CNTNAP2: variants seen among roughly 807,000 people sequenced by gnomAD.
CNTNAP2 encodes the protein contactin associated protein 2.
In CNTNAP2, 98 loss-of-function variants were observed where a neutral mutation model predicts 155.2. The observed-to-expected ratio is 0.63, with a 90% CI of 0.54 to 0.75. The LOEUF (loss-of-function observed/expected upper bound fraction) is 0.75, where lower values mean the gene tolerates loss of function less well. Among genes scored for constraint, CNTNAP2 ranks in the 30% least tolerant of loss-of-function variants. The pLI is 0.00. For synonymous variants in CNTNAP2, 651 were observed against 631.2 expected, an observed-to-expected ratio of 1.03 and a Z score of -0.47; for missense variants, 1,727 against 1,688.1, an observed-to-expected ratio of 1.02 and a Z score of -0.40.
At chr7:147,022,520 C>A (rs1162874036) in intron 3 of CNTNAP2, among the ~76,000 whole-genome samples, 1 of 151,550 alleles carries the variant, frequency 6.6e-6, no homozygotes, top group Non-Finnish European at 1.5e-5. Context: ...ACTCTATATA[C>A]ACATATATTG....
chr7:146,254,842 G>A (rs113805448), intron 1 of CNTNAP2, among the ~76,000 whole-genome samples: 1,732 of 151,992 alleles, frequency 0.011, 12 homozygotes, highest in Non-Finnish European at 0.017. Context: ...AATCACTGAA[G>A]GTAGGAAACA....
At chr7:146,388,102 T>A (rs1022616692) in intron 1 of CNTNAP2, among the ~76,000 whole-genome samples, 7 of 151,626 alleles carry the variant, frequency 4.6e-5, no homozygotes, top group African/African-American at 7.3e-5. Flanking sequence ...ATTTTTTTTT[T>A]AATTTTTAAC....
rs908400557 is a variant in CNTNAP2 at position 146,477,635 on chromosome 7, A to G, written c.98-296636A>G. Among the ~76,000 whole-genome samples, 31 of 121,604 alleles carry G rather than the reference A, an allele frequency of 2.5e-4. No homozygotes were observed. In the South Asian group the frequency reaches 7.6e-3, roughly 30 times the overall value. 79.8% of individuals were successfully genotyped at this position (121,604 alleles called of 152,430 possible). Reference sequence around the variant, plus strand: ...ATTCTTCTTCAGCAAACACACACACACACACACACACACACACACACACAC... The same window carrying G: ...ATTCTTCTTCAGCAAACACACACACGCACACACACACACACACACACACAC... On this transcript the variant is annotated intron_variant, in intron 1 of 23. Coordinates refer to ENST00000361727, the MANE Select transcript of CNTNAP2 (RefSeq NM_014141.6).
At chr7:147,165,546 A>C (rs1802099153) in intron 8 of CNTNAP2, among the ~76,000 whole-genome samples, 2 of 152,166 alleles carry the variant, frequency 1.3e-5, no homozygotes, top group Non-Finnish European at 2.9e-5. Flanking sequence ...GTTCTTGGCC[A>C]TGAAATCTGT....
chr7:146,474,812 A>G (rs1796850543), intron 1 of CNTNAP2, among the ~76,000 whole-genome samples: 1 of 152,220 alleles, frequency 6.6e-6, no homozygotes, highest in Non-Finnish European at 1.5e-5. Flanking sequence ...TGGCATTTAT[A>G]TCCAGGTAGA....
chr7:147,814,852 T>G (rs538990845), intron 13 of CNTNAP2, among the ~76,000 whole-genome samples: 13 of 152,168 alleles, frequency 8.5e-5, no homozygotes, highest in Non-Finnish European at 1.6e-4. Flanking sequence ...AATCATCCTA[T>G]AAACAATTAT....
chr7:147,065,937 A>C (rs1164832432), intron 4 of CNTNAP2, among the ~76,000 whole-genome samples: 4 of 152,186 alleles, frequency 2.6e-5, no homozygotes, highest in African/African-American at 9.6e-5. Flanking sequence ...TTTCTCATGA[A>C]GTTGACTCAT....
chr7:147,629,900 G>A (rs1267294615), intron 12 of CNTNAP2, among the ~76,000 whole-genome samples: 4 of 151,658 alleles, frequency 2.6e-5, no homozygotes, highest in Admixed American at 2.0e-4. Context: ...AAAAATCTAA[G>A]ATTATACCTC....
At chr7:146,825,672 A>G (rs954963088) in intron 2 of CNTNAP2, among the ~76,000 whole-genome samples, 2 of 152,158 alleles carry the variant, frequency 1.3e-5, no homozygotes, top group Non-Finnish European at 2.9e-5. Context: ...TGGAGATACA[A>G]AGCAATTTTC....
intron 1 of CNTNAP2, among the ~76,000 whole-genome samples, chr7:146,709,164 C>G (rs557458931): frequency 6.6e-6 from 1 of 152,018 alleles, no homozygotes; most frequent in African/African-American, 2.4e-5. Flanking sequence ...ATTATAGAAA[C>G]AGTGTTAAGG....
chr7:147,734,904 T>C (rs1796813708), intron 13 of CNTNAP2, among the ~76,000 whole-genome samples: 1 of 152,184 alleles, frequency 6.6e-6, no homozygotes, highest in Non-Finnish European at 1.5e-5. Context: ...GATTCTTCTC[T>C]CTTTTCTTCT....
chr7:146,895,101 A>G (rs954473098), intron 3 of CNTNAP2, among the ~76,000 whole-genome samples: 2 of 152,140 alleles, frequency 1.3e-5, no homozygotes, highest in African/African-American at 2.4e-5. Context: ...AGAAAAAATT[A>G]TTCTAAACCT....
intron 1 of CNTNAP2, among the ~76,000 whole-genome samples, chr7:146,438,792 T>A (rs1296879876): frequency 6.6e-6 from 1 of 151,554 alleles, no homozygotes; most frequent in South Asian, 2.1e-4. Flanking sequence ...TGAGCTTTGG[T>A]TGATATCTCA....
intron 1 of CNTNAP2, among the ~76,000 whole-genome samples, chr7:146,715,122 C>T (rs1033379386): frequency 1.3e-5 from 2 of 151,962 alleles, no homozygotes; most frequent in Non-Finnish European, 2.9e-5. Context: ...CCTGAGGTCA[C>T]GAGTTCGAGA....
chr7:146,915,560 T>G (rs1052938255), intron 3 of CNTNAP2, among the ~76,000 whole-genome samples: 2 of 152,046 alleles, frequency 1.3e-5, no homozygotes, highest in African/African-American at 2.4e-5. Context: ...AGTTTTTTTG[T>G]TCGTTTGTTT....
At chr7:146,301,274 A>G (rs1338835219) in intron 1 of CNTNAP2, among the ~76,000 whole-genome samples, 1 of 152,186 alleles carries the variant, frequency 6.6e-6, no homozygotes, top group African/African-American at 2.4e-5. Flanking sequence ...AGAAGAAAAG[A>G]AGACTATTCC....
At chr7:146,879,033 C>G (rs1795485317) in intron 3 of CNTNAP2, among the ~76,000 whole-genome samples, 1 of 152,142 alleles carries the variant, frequency 6.6e-6, no homozygotes, top group Non-Finnish European at 1.5e-5. Flanking sequence ...CATTTTCAAA[C>G]CAAGAAACAC....
chr7:146,303,174 T>A (rs1800644721), intron 1 of CNTNAP2, among the ~76,000 whole-genome samples: 1 of 149,812 alleles, frequency 6.7e-6, no homozygotes, highest in Admixed American at 6.7e-5. Context: ...ATTGAGAAAA[T>A]CAAAAGTGAT....
intron 22 of CNTNAP2, among the ~76,000 whole-genome samples, chr7:148,396,606 A>G (rs960719767): frequency 6.6e-6 from 1 of 152,212 alleles, no homozygotes; most frequent in African/African-American, 2.4e-5. Context: ...TTGCAGAAGC[A>G]TTATCCTGAT....
Sources: gnomAD v4.1 joint callset for allele counts (sites outside exome capture counted in the v4.1 genomes callset) on GRCh38, gnomAD v4.1.1 for gene constraint, MANE v1.5 for transcripts, NCBI Gene and HGNC (gene_info 2026-07-23, HGNC 2026-07-21) for gene names.